TAF4: variants seen among roughly 807,000 people sequenced by gnomAD.
The protein encoded by TAF4 is TATA-box binding protein associated factor 4, also known as transcription initiation factor TFIID subunit 4.
A neutral mutation model predicts 90.3 loss-of-function variants in TAF4; 9 were observed. That is an observed-to-expected ratio of 0.10 (90% CI 0.06 to 0.17). TAF4 has a LOEUF of 0.17. Ranked by LOEUF, TAF4 falls within the 10% of genes least tolerant of loss-of-function variation. TAF4 has a pLI of 1.00. For synonymous variants in TAF4, 818 were observed against 638.9 expected, an observed-to-expected ratio of 1.28 and a Z score of -4.23; for missense variants, 1,351 against 1,370.7, an observed-to-expected ratio of 0.99 and a Z score of 0.23.
intron 14 of TAF4, chr20:61,979,113 G>T (rs899274759): frequency 6.5e-6 from 1 of 153,182 alleles, no homozygotes; most frequent in Non-Finnish European, 1.5e-5. Context: ...TGAAGATGGA[G>T]TGGAGATCTC....
Position 62,003,273 on chromosome 20 carries a change from G to T in TAF4, c.2373C>A (p.Val791=). ...QQIQLNPLQP[V]PVVKPAVLPG... ...GTAACACGGCGGGTTTCACCACAGGGACTACAAAACAAACACACAGTGGAA... is the reference window on the plus strand; with the variant it reads ...GTAACACGGCGGGTTTCACCACAGGTACTACAAAACAAACACACAGTGGAA... Residue 791 remains valine, a splice_region_variant and synonymous_variant, in exon 9 of 15, where the codon GTC becomes GTA. Coordinates refer to ENST00000252996, the MANE Select transcript of TAF4 (RefSeq NM_003185.4). The T allele has an allele frequency of 1.2e-6, 2 of 1,613,118 alleles. No individual in the cohort carries two copies. Among genetic ancestry groups the T allele is most frequent in the East Asian group, 4.5e-5 (2 of 44,878 alleles).
chr20:61,995,043 C>A (rs1181034106), intron 14 of TAF4, among the ~76,000 whole-genome samples: 1 of 152,182 alleles, frequency 6.6e-6, no homozygotes, highest in Non-Finnish European at 1.5e-5. Context: ...TTCCCCAGAT[C>A]CTTACTGACA....
chr20:62,029,136 C>T (rs1388975470), intron 1 of TAF4, among the ~76,000 whole-genome samples: 2 of 149,522 alleles, frequency 1.3e-5, no homozygotes, highest in African/African-American at 2.5e-5. Flanking sequence ...GCAGAGGTTG[C>T]AGTGACCCAA....
intron 1 of TAF4, among the ~76,000 whole-genome samples, chr20:62,060,855 A>G (rs1050155806): frequency 2.0e-5 from 3 of 152,208 alleles, no homozygotes; most frequent in Non-Finnish European, 4.4e-5. Context: ...CTGCCACACC[A>G]AACACCTCAG....
intron 1 of TAF4, among the ~76,000 whole-genome samples, chr20:62,036,928 T>C (rs1224429758): frequency 6.6e-6 from 1 of 152,180 alleles, no homozygotes; most frequent in Non-Finnish European, 1.5e-5. Flanking sequence ...ACAGCTGCCT[T>C]GCCCCTTCCT....
intron 14 of TAF4, among the ~76,000 whole-genome samples, chr20:61,984,689 G>A (rs1207153275): frequency 6.9e-6 from 1 of 145,972 alleles, no homozygotes; most frequent in Non-Finnish European, 1.5e-5. Flanking sequence ...ACCCAGCTGG[G>A]AAAGAGGAAG....
chr20:62,010,363 C>T lies in TAF4; in HGVS notation c.1642-198G>A, dbSNP rs539198190. 3.3e-5 allele frequency among the ~76,000 whole-genome samples: 5 copies of T among 152,268 alleles called. No individual in the cohort carries two copies. In the East Asian group the frequency reaches 7.8e-4, roughly 24 times the overall value. On this transcript the variant is annotated intron_variant, in intron 3 of 14. Transcript: ENST00000252996. This position sits in a 1 kb window ranked among gnomAD's most constrained non-coding sequence, Gnocchi z 4.5. ...GAGGCCTGCCCTGTGCCCTGACGAT[C>T]GCAGTCCTGAGCGGGTGAGGAAGGC...
chr20:62,046,605 G>A (rs956194726), intron 1 of TAF4, among the ~76,000 whole-genome samples: 4 of 152,224 alleles, frequency 2.6e-5, no homozygotes, highest in Admixed American at 6.5e-5. Context: ...ATGGCAGGAT[G>A]GACACTTCGG....
intron 1 of TAF4, among the ~76,000 whole-genome samples, chr20:62,032,532 G>A (rs1001384948): frequency 2.0e-5 from 3 of 152,208 alleles, no homozygotes; most frequent in South Asian, 2.1e-4. Context: ...CAGAAGGCCC[G>A]GTGGCCCACC....
intron 1 of TAF4, among the ~76,000 whole-genome samples, chr20:62,023,007 G>C (rs2055852295): frequency 6.6e-6 from 1 of 152,230 alleles, no homozygotes. Flanking sequence ...ACTCACAATA[G>C]TTAAGATGTC....
intron 1 of TAF4, among the ~76,000 whole-genome samples, chr20:62,026,158 C>T (rs1011069250): frequency 1.3e-5 from 2 of 152,174 alleles, no homozygotes; most frequent in Non-Finnish European, 1.5e-5. Context: ...AGCTAGCACA[C>T]GACCTTCCCC....
At chr20:61,999,412 G>C (rs893904212) in intron 11 of TAF4, among the ~76,000 whole-genome samples, 2 of 152,220 alleles carry the variant, frequency 1.3e-5, no homozygotes, top group Admixed American at 1.3e-4. Flanking sequence ...CTGCAACACA[G>C]AACTACTTTT....
Position 62,014,573 on chromosome 20 carries a change from G to A in TAF4, c.1495C>T (p.Pro499Ser). The change falls in exon 2 of 15, where the codon CCT (proline) becomes TCT (serine). Residue 499 changes from proline (P) to serine (S), a missense_variant. Transcript: ENST00000252996. ...APRPATPTSA[P>S]PVQISTVQAP... Reference sequence around the variant, plus strand: ...TGTACGGTGGAGATCTGGACGGGAGGGGCACTTGTGGGGGTGGCAGGGCGA... The same window carrying A: ...TGTACGGTGGAGATCTGGACGGGAGAGGCACTTGTGGGGGTGGCAGGGCGA... 6.2e-7 allele frequency: 1 copy of A among 1,613,478 alleles called. No homozygotes were observed. The highest frequency in any genetic ancestry group is 8.5e-7 in the Non-Finnish European group (1 of 1,179,814).
chr20:61,990,999 C>T (rs1044923534), intron 14 of TAF4, among the ~76,000 whole-genome samples: 2 of 152,074 alleles, frequency 1.3e-5, no homozygotes, highest in Non-Finnish European at 2.9e-5. Context: ...GGATAAAAAG[C>T]AGAAGAGCAT....
At chr20:62,021,001 C>A (rs532564072) in intron 1 of TAF4, among the ~76,000 whole-genome samples, 1 of 152,166 alleles carries the variant, frequency 6.6e-6, no homozygotes, top group Non-Finnish European at 1.5e-5. Flanking sequence ...AAGGAAAGAC[C>A]TTCCCCGTGT....
In TAF4 at chr20:62,065,235, G is replaced by A. The variant is rs112132119; in HGVS notation, c.576C>T (p.Pro192=). ...TCCCATTCAAAGTTTGCGCGGCGCCGGGGCCGGCGGGCTTGCCAGGGCCAG... is the reference window on the plus strand; with the variant it reads ...TCCCATTCAAAGTTTGCGCGGCGCCAGGGCCGGCGGGCTTGCCAGGGCCAG... The part of the protein sequence containing the change: ...PGPGPGKPAG[P]GAAQTLNGSA... Residue 192 remains proline, a synonymous_variant, in exon 1 of 15, where the codon CCC becomes CCT. Coordinates refer to ENST00000252996, the MANE Select transcript of TAF4 (RefSeq NM_003185.4). 302 of 1,098,590 alleles carry A rather than the reference G, an allele frequency of 2.7e-4. No individual in the cohort carries two copies. Among genetic ancestry groups the A allele is most frequent in the Non-Finnish European group, 3.1e-4 (271 of 886,534 alleles). 68.1% of individuals were successfully genotyped at this position (1,098,590 alleles called of 1,614,324 possible).
intron 1 of TAF4, among the ~76,000 whole-genome samples, chr20:62,038,804 G>C (rs1232025447): frequency 6.6e-6 from 1 of 152,134 alleles, no homozygotes; most frequent in African/African-American, 2.4e-5. Context: ...TGTAATCCCA[G>C]CACTTTGAGA....
At chr20:61,998,234 TA>T (rs765367038) in intron 12 of TAF4, 42 bp from the exon 13 acceptor site, 1 of 1,580,446 alleles carries the variant, frequency 6.3e-7, no homozygotes, top group Non-Finnish European at 8.7e-7. Flanking sequence ...AGTTATGAAC[TA>T]AATGTTTATC....
intron 9 of TAF4, among the ~76,000 whole-genome samples, chr20:62,001,069 T>C (rs563342230): frequency 1.1e-4 from 17 of 152,300 alleles, no homozygotes; most frequent in African/African-American, 3.4e-4. Flanking sequence ...AGAGGCAGCA[T>C]TAAATTCTTT....
Sources: gnomAD v4.1 joint callset for allele counts (sites outside exome capture counted in the v4.1 genomes callset) on GRCh38, gnomAD v4.1.1 for gene constraint, Gnocchi (gnomAD v3.1) non-coding constraint, MANE v1.5 for transcripts, NCBI Gene and HGNC (gene_info 2026-07-23, HGNC 2026-07-21) for gene names.